Variants in AHCYL2 observed in about 807,000 individuals in gnomAD.
AHCYL2 encodes the protein S-adenosylhomocysteine hydrolase-like protein 2.
AHCYL2 carries 28 observed loss-of-function variants against 81.4 expected under a neutral mutation model. The ratio of observed to expected loss-of-function variants is 0.34; its 90% CI spans 0.25 to 0.47. The LOEUF (loss-of-function observed/expected upper bound fraction) is 0.47. Among genes scored for constraint, AHCYL2 ranks in the 20% least tolerant of loss-of-function variants. AHCYL2 has a pLI of 1.00. For synonymous variants in AHCYL2, 272 were observed against 290.2 expected (o/e 0.94, Z 0.64); for missense variants, 551 against 785.1 (o/e 0.70, Z 3.56).
At position 129,343,251 on chromosome 7, in the gene AHCYL2, T is replaced by C. The variant is rs185955202; in HGVS notation, c.364-36387T>C. ...AAAAGCTCATCTTTCTTGCTTGGCA[T>C]ATCCGTACAGTTTCCTCCCACTAGA... On this transcript the variant is annotated intron_variant, in intron 1 of 16. Transcript: ENST00000325006. 4.6e-5 allele frequency among the ~76,000 whole-genome samples: 7 copies of C among 152,330 alleles called. No homozygotes were observed. The East Asian group carries it at 1.3e-3, about 29-fold the overall frequency.
intron 1 of AHCYL2, among the ~76,000 whole-genome samples, chr7:129,276,093 T>C (rs1382874291): frequency 1.3e-5 from 2 of 152,116 alleles, no homozygotes; most frequent in East Asian, 3.8e-4. Flanking sequence ...TAATTTTATA[T>C]ATTTGGAAAT....
At chr7:129,229,275 C>T (rs530889169) in intron 1 of AHCYL2, among the ~76,000 whole-genome samples, 3 of 152,156 alleles carry the variant, frequency 2.0e-5, no homozygotes, top group Non-Finnish European at 4.4e-5. Context: ...CCATGTTGGT[C>T]AGGCTGCTTT....
At chr7:129,416,936 A>G (rs933892247) in intron 12 of AHCYL2, among the ~76,000 whole-genome samples, 53 of 152,164 alleles carry the variant, frequency 3.5e-4, no homozygotes, top group Non-Finnish European at 7.3e-4. Context: ...TAGGCAACAT[A>G]GTGAGACCTC....
Position 129,368,677 on chromosome 7 carries a change from T to C in AHCYL2, c.364-10961T>C. 2 of 1,133,906 alleles carry C rather than the reference T, an allele frequency of 1.8e-6. No individual in the cohort carries two copies. Among genetic ancestry groups the C allele is most frequent in the Admixed American group, 2.0e-5 (1 of 50,380 alleles). The allele number at this position is 1,133,906 out of a possible 1,614,324, so 70.2% of individuals were successfully genotyped here. A position where few individuals can be genotyped will look rare whatever the true frequency, so the allele number is the denominator to read the frequency against. On this transcript the variant is annotated intron_variant, in intron 1 of 16. Transcript: ENST00000325006. The surrounding 1 kb of genome is among the most constrained non-coding windows in gnomAD (Gnocchi z 4.4). ...AGATCCGTGGTTGGAAAAACAGTTA[T>C]TACTCTACGTTCTGATTAGTTCCTA...
intron 1 of AHCYL2, among the ~76,000 whole-genome samples, chr7:129,299,685 G>A (rs1797192243): frequency 6.6e-6 from 1 of 152,012 alleles, no homozygotes; most frequent in Admixed American, 6.6e-5. Context: ...GAGCCATCAC[G>A]CCCAGCCAGA....
intron 1 of AHCYL2, among the ~76,000 whole-genome samples, chr7:129,360,270 C>T (rs1793885680): frequency 6.6e-6 from 1 of 152,154 alleles, no homozygotes; most frequent in Non-Finnish European, 1.5e-5. Flanking sequence ...GCATGTACCA[C>T]CACGCTCGGC....
chr7:129,294,235 TG>T (rs1416961096), intron 1 of AHCYL2, among the ~76,000 whole-genome samples: 1 of 152,198 alleles, frequency 6.6e-6, no homozygotes, highest in Non-Finnish European at 1.5e-5. Flanking sequence ...TTGGTTTGAC[TG>T]CATCTCTAAA....
chr7:129,240,403 T>C (rs1222190487), intron 1 of AHCYL2, among the ~76,000 whole-genome samples: 1 of 151,502 alleles, frequency 6.6e-6, no homozygotes, highest in Admixed American at 6.6e-5. Context: ...AAACTAAGGT[T>C]TTCATGGAGC....
chr7:129,308,070 C>A (rs192287906), intron 1 of AHCYL2, among the ~76,000 whole-genome samples: 1 of 151,880 alleles, frequency 6.6e-6, no homozygotes, highest in Admixed American at 6.6e-5. Flanking sequence ...GGAGGGGTGA[C>A]GCAAGCACTC....
chr7:129,290,879 G>A (rs1226255851), intron 1 of AHCYL2, among the ~76,000 whole-genome samples: 1 of 150,898 alleles, frequency 6.6e-6, no homozygotes, highest in African/African-American at 2.4e-5. Flanking sequence ...GCAGTGAGCC[G>A]AGATCACGCC....
chr7:129,382,849 T>A (rs1454264169), intron 2 of AHCYL2, among the ~76,000 whole-genome samples: 1 of 152,128 alleles, frequency 6.6e-6, no homozygotes, highest in Non-Finnish European at 1.5e-5. Context: ...GAGGTTGCGG[T>A]GAGCCAAGAT....
chr7:129,283,334 AT>A, intron 1 of AHCYL2: 1 of 455,528 alleles, frequency 2.2e-6, no homozygotes, highest in South Asian at 1.6e-5. Flanking sequence ...TCTCTCAGGG[AT>A]TGCTGTTCTT....
At chr7:129,280,201 G>A (rs58792972) in intron 1 of AHCYL2, among the ~76,000 whole-genome samples, 2,447 of 16,636 alleles carry the variant, frequency 0.15, 84 homozygotes, top group African/African-American at 0.2. Context: ...AGAGAGTCTC[G>A]CTCTGTTGCC....
At chr7:129,413,771 A>G in intron 12 of AHCYL2, 83 bp downstream of exon 12, 2 of 1,137,470 alleles carry the variant, frequency 1.8e-6, no homozygotes, top group East Asian at 4.8e-5. Context: ...CAGGGTCACA[A>G]GCCATCCTAA....
At chr7:129,405,750 A>C (rs1017926600) in intron 8 of AHCYL2, 86 bp from the exon 9 acceptor site, 1 of 1,275,074 alleles carries the variant, frequency 7.8e-7, no homozygotes, top group Non-Finnish European at 1.1e-6. Flanking sequence ...CAACCAAAAA[A>C]CCCCATGAAA....
At chr7:129,241,123 AAG>A (rs1794837372) in intron 1 of AHCYL2, among the ~76,000 whole-genome samples, 1 of 152,170 alleles carries the variant, frequency 6.6e-6, no homozygotes, top group South Asian at 2.1e-4. Context: ...TGTTAGGAAA[AAG>A]AGTTGACACA....
chr7:129,413,673 C>T lies in AHCYL2; in HGVS notation c.1446C>T (p.Asn482=). The T allele has an allele frequency of 7.4e-6, 12 of 1,614,010 alleles. No homozygotes were observed. Among genetic ancestry groups the T allele is most frequent in the Non-Finnish European group, 1.0e-5 (12 of 1,179,932 alleles). ...TCGTTTGTAACATGGGACATTCCAA[C>T]ACAGAGATTGACGTGGTAAGATCAA... ...SCIVCNMGHS[N]TEIDVASLRT... is the part of the protein sequence containing the mutation. The change falls in exon 12 of 17, where the codon AAC becomes AAT. Residue 482 remains asparagine (N), a synonymous_variant. Coordinates refer to ENST00000325006, the MANE Select transcript of AHCYL2 (RefSeq NM_015328.4).
intron 1 of AHCYL2, among the ~76,000 whole-genome samples, chr7:129,267,235 G>GTGTGTGTA (rs146496100): frequency 7.4e-6 from 1 of 135,604 alleles, no homozygotes; most frequent in Admixed American, 7.8e-5. Context: ...CAAGGGGTGT[G>GTGTGTGTA]TGTGTGTGTG....
At chr7:129,350,759 T>C (rs1288644453) in intron 1 of AHCYL2, among the ~76,000 whole-genome samples, 14 of 151,054 alleles carry the variant, frequency 9.3e-5, no homozygotes, top group South Asian at 6.3e-4. Flanking sequence ...TTTTGCTCTG[T>C]TACTCAGGCT....
Sources: allele counts gnomAD v4.1 joint callset (sites outside exome capture counted in the v4.1 genomes callset), GRCh38; gene constraint gnomAD v4.1.1; non-coding constraint Gnocchi (gnomAD v3.1); transcripts MANE v1.5; gene names NCBI Gene and HGNC (gene_info 2026-07-23, HGNC 2026-07-21).